Variants in NBEA observed in about 807,000 individuals in gnomAD.
NBEA encodes lysosomal-trafficking regulator 2.
In NBEA, 44 loss-of-function variants were observed where a neutral mutation model predicts 343.4. That is an observed-to-expected ratio of 0.13 (90% CI 0.10 to 0.16). The LOEUF (loss-of-function observed/expected upper bound fraction) is 0.16, where lower values mean the gene tolerates loss of function less well. Ranked by LOEUF, NBEA falls within the 10% of genes least tolerant of loss-of-function variation. The probability of loss-of-function intolerance (pLI) is 1.00; values close to 1 mark genes in which losing one functional copy is unlikely to be tolerated. For synonymous variants in NBEA, 1,175 were observed against 1,238.7 expected (o/e 0.95, Z 1.08); for missense variants, 2,555 against 3,631.3 (o/e 0.70, Z 7.62).
rs369306193 is a variant in NBEA at position 35,155,800 on chromosome 13, G to C, written c.2472G>C (p.Gln824His). ...YEILTEQVCTQVVHKPHPEPD... is the reference protein window; with the variant it reads ...YEILTEQVCTHVVHKPHPEPD... ...TCTTGACAGAACAAGTATGTACTCA[G>C]GTCGTACACAAACCACATCCAGAGC... Residue 824 changes from glutamine (Q) to histidine (H), a missense_variant, in exon 19 of 59, where the codon CAG (glutamine) becomes CAC (histidine). This residue lies in a region of NBEA where 360 missense variants were observed against 519.1 expected (regional missense o/e 0.69). Coordinates refer to ENST00000379939, the MANE Select transcript of NBEA (RefSeq NM_001385012.1). 1 of 1,610,882 alleles carries C rather than the reference G, an allele frequency of 6.2e-7. No homozygotes were observed. Among genetic ancestry groups the C allele is most frequent in the African/African-American group, 1.3e-5 (1 of 74,834 alleles).
intron 1 of NBEA, among the ~76,000 whole-genome samples, chr13:35,030,324 A>G (rs937684200): frequency 6.6e-6 from 1 of 151,628 alleles, no homozygotes; most frequent in Non-Finnish European, 1.5e-5. Flanking sequence ...TTTCTTACCC[A>G]TAAAAATCAT....
intron 1 of NBEA, among the ~76,000 whole-genome samples, chr13:35,031,301 A>C (rs1046171601): frequency 6.6e-6 from 1 of 151,684 alleles, no homozygotes; most frequent in Admixed American, 6.6e-5. Context: ...TTGGGCTCAT[A>C]ATAATGAACA....
chr13:34,946,847 GTTT>G (rs778860351), intron 1 of NBEA, among the ~76,000 whole-genome samples: 1 of 130,258 alleles, frequency 7.7e-6, no homozygotes, highest in Non-Finnish European at 1.7e-5. Context: ...TAACTTTAAG[GTTT>G]TTTTTTTTTT....
chr13:35,125,124 C>G (rs1472047433), intron 17 of NBEA, among the ~76,000 whole-genome samples: 2 of 152,094 alleles, frequency 1.3e-5, no homozygotes, highest in Non-Finnish European at 2.9e-5. Flanking sequence ...TATTTTCCCC[C>G]TTTTTCCTGT....
chr13:35,358,086 A>G (rs1255662458), intron 38 of NBEA, among the ~76,000 whole-genome samples: 3 of 152,034 alleles, frequency 2.0e-5, no homozygotes, highest in Non-Finnish European at 2.9e-5. Context: ...CAGTGGCACG[A>G]TCTCGGCTCA....
chr13:35,279,526 T>G (rs1463139793), intron 34 of NBEA, among the ~76,000 whole-genome samples: 1 of 152,238 alleles, frequency 6.6e-6, no homozygotes, highest in African/African-American at 2.4e-5. Context: ...TTTAGAGGAA[T>G]GTAAAAACTA....
At chr13:35,487,593 C>G (rs1180965598) in intron 41 of NBEA, among the ~76,000 whole-genome samples, 1 of 151,802 alleles carries the variant, frequency 6.6e-6, no homozygotes, top group Admixed American at 6.6e-5. Context: ...CTACTTTTAC[C>G]TCCATGAATG....
intron 41 of NBEA, among the ~76,000 whole-genome samples, chr13:35,550,074 C>G (rs1392109665): frequency 6.6e-6 from 1 of 152,116 alleles, no homozygotes; most frequent in Non-Finnish European, 1.5e-5. Context: ...CAATCATGAT[C>G]CTTTGCCTGG....
intron 17 of NBEA, among the ~76,000 whole-genome samples, chr13:35,124,661 TATATGTGGATATATATACAC>T (rs1566324178): frequency 1.3e-5 from 2 of 148,518 alleles, no homozygotes; most frequent in African/African-American, 5.0e-5. Context: ...TACACACACA[TATATGTGGATATATATACAC>T]ATGTATGGAT....
At chr13:35,144,344 T>C (rs2068283412) in intron 18 of NBEA, among the ~76,000 whole-genome samples, 1 of 152,292 alleles carries the variant, frequency 6.6e-6, no homozygotes. Context: ...ACTCCAAATA[T>C]GGGTGTTCCT....
chr13:35,013,863 T>C (rs2061564675), intron 1 of NBEA, among the ~76,000 whole-genome samples: 1 of 152,182 alleles, frequency 6.6e-6, no homozygotes, highest in Non-Finnish European at 1.5e-5. Context: ...CAGGGTCATA[T>C]ATGTCATTCT....
chr13:35,218,305 T>C (rs1379443368), intron 33 of NBEA, among the ~76,000 whole-genome samples: 1 of 152,146 alleles, frequency 6.6e-6, no homozygotes, highest in African/African-American at 2.4e-5. Flanking sequence ...ATTTCTTTTA[T>C]AAATTTTAAT....
intron 1 of NBEA, among the ~76,000 whole-genome samples, chr13:34,961,464 G>A (rs2059659083): frequency 6.6e-6 from 1 of 151,970 alleles, no homozygotes; most frequent in Non-Finnish European, 1.5e-5. Flanking sequence ...CTATTTCTCT[G>A]TGGCTTCCCC....
chr13:35,664,383 G>A (rs969101303), intron 55 of NBEA, among the ~76,000 whole-genome samples: 7 of 152,122 alleles, frequency 4.6e-5, no homozygotes, highest in African/African-American at 1.2e-4. Context: ...AAGGAAAACA[G>A]GCAAGCATGC....
intron 34 of NBEA, among the ~76,000 whole-genome samples, chr13:35,236,279 C>T (rs1252946157): frequency 1.3e-5 from 2 of 152,092 alleles, no homozygotes; most frequent in African/African-American, 4.8e-5. Flanking sequence ...TTGGTCATAA[C>T]CCTCCCTTCC....
At chr13:35,035,104 C>G (rs552759486) in intron 1 of NBEA, among the ~76,000 whole-genome samples, 44 of 151,700 alleles carry the variant, frequency 2.9e-4, no homozygotes, top group South Asian at 1.5e-3. Flanking sequence ...CTTTAAGGTG[C>G]AGCATTTGAT....
chr13:35,010,496 A>G (rs899982293), intron 1 of NBEA, among the ~76,000 whole-genome samples: 3 of 148,990 alleles, frequency 2.0e-5, no homozygotes, highest in East Asian at 4.0e-4. Context: ...TGGGAGGATC[A>G]TTTGAGCCTG....
intron 34 of NBEA, among the ~76,000 whole-genome samples, chr13:35,236,632 A>G (rs1331714571): frequency 2.1e-5 from 3 of 145,032 alleles, no homozygotes; most frequent in Non-Finnish European, 4.5e-5. Context: ...TTTTTTTTGT[A>G]TTTTTAGTAG....
intron 38 of NBEA, among the ~76,000 whole-genome samples, chr13:35,400,020 TGTA>T (rs3050180): frequency 0.7 from 105,594 of 151,244 alleles, 39,058 homozygotes; most frequent in Non-Finnish European, 0.81. Context: ...CTAAAACAGT[TGTA>T]GTAACATCAA....
Sources: allele counts gnomAD v4.1 joint callset (sites outside exome capture counted in the v4.1 genomes callset), GRCh38; gene constraint gnomAD v4.1.1; regional missense constraint gnomAD v4.1.1; transcripts MANE v1.5; gene names NCBI Gene and HGNC (gene_info 2026-07-23, HGNC 2026-07-21).